UNC5D: variants seen among roughly 807,000 people sequenced by gnomAD.
UNC5D encodes unc-5 netrin receptor D, also known as netrin receptor UNC5D.
In UNC5D, 39 loss-of-function variants were observed where a neutral mutation model predicts 105.4. The observed-to-expected ratio is 0.37, with a 90% CI of 0.29 to 0.48. The LOEUF is 0.48. Ranked by LOEUF, UNC5D falls within the 20% of genes least tolerant of loss-of-function variation. The pLI is 0.98. For synonymous variants in UNC5D, 452 were observed against 450.4 expected (o/e 1.00, Z -0.04); for missense variants, 991 against 1,202.4 (o/e 0.82, Z 2.60).
At chr8:35,579,287 A>G (rs1352012440) in intron 3 of UNC5D, among the ~76,000 whole-genome samples, 1 of 152,198 alleles carries the variant, frequency 6.6e-6, no homozygotes, top group Non-Finnish European at 1.5e-5. Flanking sequence ...AAACTTGCCA[A>G]GTGGTGAAAG....
intron 12 of UNC5D, among the ~76,000 whole-genome samples, chr8:35,750,285 A>AACCCC (rs1491538189): frequency 1.9e-5 from 1 of 52,982 alleles, no homozygotes; most frequent in Non-Finnish European, 3.7e-5. Context: ...CCCGCCCCCC[A>AACCCC]ACCCCACCCC....
At chr8:35,683,879 A>C (rs1825837092) in intron 5 of UNC5D, 152 bp downstream of exon 5, 2 of 616,120 alleles carry the variant, frequency 3.2e-6, no homozygotes, top group Non-Finnish European at 4.7e-6. Context: ...TCTGGCAGGC[A>C]AAAAACATCA....
chr8:35,348,664 G>A (rs1811979347), intron 1 of UNC5D, among the ~76,000 whole-genome samples: 1 of 151,772 alleles, frequency 6.6e-6, no homozygotes, highest in Non-Finnish European at 1.5e-5. Context: ...CCAAAATGGA[G>A]TGGATACAGG....
At chr8:35,450,221 A>G (rs537994374) in intron 1 of UNC5D, among the ~76,000 whole-genome samples, 1 of 152,284 alleles carries the variant, frequency 6.6e-6, no homozygotes, top group African/African-American at 2.4e-5. Flanking sequence ...GGAAATGCAC[A>G]GTAATGCACA....
chr8:35,238,655 C>T (rs1057107224), intron 1 of UNC5D, among the ~76,000 whole-genome samples: 3 of 152,076 alleles, frequency 2.0e-5, no homozygotes, highest in Non-Finnish European at 4.4e-5. Flanking sequence ...AGATACTGTA[C>T]ATAAGATACT....
At chr8:35,456,976 T>C (rs1019754843) in intron 1 of UNC5D, among the ~76,000 whole-genome samples, 7 of 152,226 alleles carry the variant, frequency 4.6e-5, no homozygotes, top group African/African-American at 9.6e-5. Context: ...CCTATGTTAC[T>C]TGTGGTGCAT....
At chr8:35,317,476 C>T (rs1321748506) in intron 1 of UNC5D, among the ~76,000 whole-genome samples, 1 of 152,046 alleles carries the variant, frequency 6.6e-6, no homozygotes, top group African/African-American at 2.4e-5. Flanking sequence ...TGACCAGCCC[C>T]CAAATTTAAT....
chr8:35,474,965 A>G (rs913627591), intron 1 of UNC5D, among the ~76,000 whole-genome samples: 8 of 152,106 alleles, frequency 5.3e-5, no homozygotes, highest in Non-Finnish European at 1.0e-4. Flanking sequence ...CATTATGTAA[A>G]TCACTTAGAT....
chr8:35,304,375 T>A (rs1808183834), intron 1 of UNC5D, among the ~76,000 whole-genome samples: 3 of 152,076 alleles, frequency 2.0e-5, no homozygotes, highest in Admixed American at 2.0e-4. Context: ...ACTTTGACCA[T>A]TCTTTAGATG....
chr8:35,463,665 C>T (rs1184824276), intron 1 of UNC5D, among the ~76,000 whole-genome samples: 4 of 151,546 alleles, frequency 2.6e-5, no homozygotes, highest in South Asian at 4.2e-4. Context: ...ACACACCTGC[C>T]GTCCCAGCTA....
chr8:35,297,564 T>C lies in UNC5D; in HGVS notation c.103+61677T>C, dbSNP rs571955891. 9.2e-5 allele frequency among the ~76,000 whole-genome samples: 14 copies of C among 152,244 alleles called. No individual in the cohort carries two copies. In the South Asian group the frequency reaches 2.3e-3, roughly 25 times the overall value. Reference sequence around the variant, plus strand: ...GCTAAGGAGCCAAAGGAACCTAGAATTCACTTCAGCAGCTCTCTGGTCTTT... The same window carrying C: ...GCTAAGGAGCCAAAGGAACCTAGAACTCACTTCAGCAGCTCTCTGGTCTTT... On this transcript the variant is annotated intron_variant, in intron 1 of 16. Coordinates refer to ENST00000404895, the MANE Select transcript of UNC5D (RefSeq NM_080872.4).
intron 4 of UNC5D, among the ~76,000 whole-genome samples, chr8:35,626,707 G>A (rs933591971): frequency 7.2e-5 from 11 of 152,322 alleles, no homozygotes; most frequent in South Asian, 2.1e-4. Flanking sequence ...CCAGGCATCC[G>A]CGTGCTCTTG....
chr8:35,392,778 T>C (rs1486160392), intron 1 of UNC5D, among the ~76,000 whole-genome samples: 3 of 152,200 alleles, frequency 2.0e-5, no homozygotes, highest in Admixed American at 6.5e-5. Context: ...GCCTATCATA[T>C]GGAAGATGGA....
rs150635771 is a variant in UNC5D, at chr8:35,263,330, A to C, written c.103+27443A>C. On this transcript the variant is annotated intron_variant, in intron 1 of 16. Coordinates refer to ENST00000404895, the MANE Select transcript of UNC5D (RefSeq NM_080872.4). ...TTGCTTATTTCTGTCCATTTGCGCT[A>C]AATTTTGAGAGACTGCGTTTTAGTC... is the stretch of plus-strand genomic sequence containing the variant. Among the ~76,000 whole-genome samples, 9 of 152,326 alleles carry C rather than the reference A, an allele frequency of 5.9e-5. No homozygotes were observed. In the East Asian group the frequency reaches 1.7e-3, roughly 29 times the overall value.
rs5890816 is a variant in UNC5D at position 35,482,793 on chromosome 8, CTTTTTTTTTTTTT to C, written c.104-66485_104-66473del. Among the ~76,000 whole-genome samples, 8 of 78,134 alleles carry C rather than the reference CTTTTTTTTTTTTT, an allele frequency of 1.0e-4. No homozygotes were observed. The East Asian group carries it at 2.9e-3, about 28-fold the overall frequency. The allele number at this position is 78,134 out of a possible 152,430, so 51.3% of individuals were successfully genotyped here. The stretch of plus-strand genomic sequence containing the variant: ...TATATCAGTGTGTCATTAAAGAGAT[CTTTTTTTTTTTTT>C]TTTTTTTTTTTTTGAGATGAAGTCT... On this transcript the variant is annotated intron_variant, in intron 1 of 16. Transcript: ENST00000404895.
At chr8:35,778,101 T>C (rs1355393396) in intron 16 of UNC5D, among the ~76,000 whole-genome samples, 2 of 152,202 alleles carry the variant, frequency 1.3e-5, no homozygotes, top group African/African-American at 4.8e-5. Context: ...CTGTTTTAAG[T>C]AGTACTGAAA....
chr8:35,553,202 A>G (rs1403049000), intron 2 of UNC5D, among the ~76,000 whole-genome samples: 7 of 152,204 alleles, frequency 4.6e-5, no homozygotes. Flanking sequence ...CCAATTCAAC[A>G]GTGCACCCTC....
At chr8:35,257,293 T>C (rs2128817975) in intron 1 of UNC5D, among the ~76,000 whole-genome samples, 1 of 152,242 alleles carries the variant, frequency 6.6e-6, no homozygotes, top group South Asian at 2.1e-4. Flanking sequence ...ATTACCTGTT[T>C]ATAGATCACA....
chr8:35,471,243 A>C (rs1486270434), intron 1 of UNC5D, among the ~76,000 whole-genome samples: 1 of 152,152 alleles, frequency 6.6e-6, no homozygotes. Flanking sequence ...CTAAGATCCA[A>C]GTAGTAACTA....
Sources: allele counts gnomAD v4.1 joint callset (sites outside exome capture counted in the v4.1 genomes callset), GRCh38; gene constraint gnomAD v4.1.1; transcripts MANE v1.5; gene names NCBI Gene and HGNC (gene_info 2026-07-23, HGNC 2026-07-21).